SLC24A2: variants seen among roughly 807,000 people sequenced by gnomAD.
SLC24A2 encodes the protein solute carrier family 24 member 2.
In SLC24A2, 36 loss-of-function variants were observed where a neutral mutation model predicts 62.0. The observed-to-expected ratio is 0.58, with a 90% CI of 0.44 to 0.77. The LOEUF (loss-of-function observed/expected upper bound fraction) is 0.77, where lower values mean the gene tolerates loss of function less well. Ranked by LOEUF, SLC24A2 falls within the 30% of genes least tolerant of loss-of-function variation. The pLI is 0.00. For missense variants in SLC24A2, 846 were observed against 817.9 expected (o/e 1.03, Z -0.42); for synonymous variants, 358 against 294.0 (o/e 1.22, Z -2.23).
At chr9:19,960,076 G>A in the SLC24A2 span, among the ~76,000 whole-genome samples, 2 of 152,178 alleles carry the variant, frequency 1.3e-5, no homozygotes, top group Admixed American at 6.5e-5. Flanking sequence ...TTGAGGATAA[G>A]CTATTGGCAG....
the SLC24A2 span, among the ~76,000 whole-genome samples, chr9:20,254,610 T>C: frequency 2.6e-5 from 4 of 152,230 alleles, no homozygotes; most frequent in East Asian, 7.7e-4. Flanking sequence ...ACTGCATTCA[T>C]CTTTGACCAG....
the SLC24A2 span, among the ~76,000 whole-genome samples, chr9:19,915,502 C>T: frequency 6.6e-6 from 1 of 151,994 alleles, no homozygotes; most frequent in Admixed American, 6.6e-5. Context: ...GAGGGATTGC[C>T]AAACTTTTTC....
At chr9:19,998,852 T>C in the SLC24A2 span, among the ~76,000 whole-genome samples, 1 of 152,176 alleles carries the variant, frequency 6.6e-6, no homozygotes, top group South Asian at 2.1e-4. Context: ...ATAGCAGCTT[T>C]CCTCCTTCAT....
chr9:19,996,824 A>G, the SLC24A2 span, among the ~76,000 whole-genome samples: 4 of 151,834 alleles, frequency 2.6e-5, no homozygotes, highest in South Asian at 8.3e-4. Flanking sequence ...GTAACACCTT[A>G]CCCCAAGTGG....
In SLC24A2 at chr9:19,573,411, A is replaced by C. The variant is rs1371264689; in HGVS notation, c.1287T>G (p.Asp429Glu). 6.2e-7 allele frequency: 1 copy of C among 1,613,756 alleles called. No homozygotes were observed. The highest frequency in any genetic ancestry group is 2.2e-5 in the East Asian group (1 of 44,828). Residue 429 changes from aspartate to glutamate, a missense_variant, in exon 7 of 11, where the codon GAT (aspartate) becomes GAG (glutamate). Asp to Glu is a conservative substitution (Grantham distance 45, BLOSUM62 2). Transcript: ENST00000341998. ...TTCCATTTTGTACAGGTTCTGAAGC[A>C]TCACTGGATGGTGTCATTTCAACAT... ...STDVEMTPSS[D>E]ASEPVQNGNL...
At chr9:20,231,720 C>T in the SLC24A2 span, among the ~76,000 whole-genome samples, 2 of 152,070 alleles carry the variant, frequency 1.3e-5, no homozygotes, top group Admixed American at 1.3e-4. Context: ...ATTGAATACC[C>T]TTTATTTCTT....
chr9:19,917,112 C>T, the SLC24A2 span, among the ~76,000 whole-genome samples: 8 of 144,456 alleles, frequency 5.5e-5, no homozygotes, highest in Non-Finnish European at 1.1e-4. Flanking sequence ...TTTGTATTTT[C>T]TTTAACTGCT....
the SLC24A2 span, among the ~76,000 whole-genome samples, chr9:19,821,328 C>A: frequency 3.6e-4 from 55 of 152,084 alleles, no homozygotes; most frequent in African/African-American, 1.2e-3. Context: ...ACAGTGTCTT[C>A]ATTTTGTTTA....
the SLC24A2 span, among the ~76,000 whole-genome samples, chr9:20,090,563 C>T: frequency 9.2e-4 from 140 of 152,190 alleles, no homozygotes; most frequent in African/African-American, 2.8e-3. Context: ...TGGATCACAC[C>T]GTCAAACCAA....
At chr9:19,964,112 C>T in the SLC24A2 span, among the ~76,000 whole-genome samples, 27 of 151,220 alleles carry the variant, frequency 1.8e-4, no homozygotes, top group South Asian at 1.1e-3. Context: ...AGTAAACTAT[C>T]GCAAGGACAA....
the SLC24A2 span, among the ~76,000 whole-genome samples, chr9:19,914,286 A>G: frequency 2.0e-5 from 3 of 151,958 alleles, no homozygotes; most frequent in African/African-American, 7.3e-5. Flanking sequence ...ATGTCATCAG[A>G]CCTCTTCCTA....
At chr9:20,230,829 A>G in the SLC24A2 span, among the ~76,000 whole-genome samples, 1 of 152,168 alleles carries the variant, frequency 6.6e-6, no homozygotes, top group Non-Finnish European at 1.5e-5. Context: ...CCTGAATGGT[A>G]ATGCCTAGGT....
At chr9:19,907,255 G>C in the SLC24A2 span, among the ~76,000 whole-genome samples, 5 of 152,144 alleles carry the variant, frequency 3.3e-5, no homozygotes, top group Non-Finnish European at 7.4e-5. Flanking sequence ...ATGTAGAAAA[G>C]GCCTTTGACA....
At chr9:19,890,733 A>T in the SLC24A2 span, among the ~76,000 whole-genome samples, 1 of 151,992 alleles carries the variant, frequency 6.6e-6, no homozygotes, top group Non-Finnish European at 1.5e-5. Context: ...TTGGTCTTGA[A>T]TTCCTGGACT....
chr9:20,202,336 C>T, the SLC24A2 span, among the ~76,000 whole-genome samples: 3 of 152,080 alleles, frequency 2.0e-5, no homozygotes, highest in Non-Finnish European at 2.9e-5. Flanking sequence ...TGTTGTTAAC[C>T]GAAGTTGTGT....
chr9:20,058,522 A>AG, the SLC24A2 span, among the ~76,000 whole-genome samples: 6 of 115,532 alleles, frequency 5.2e-5, no homozygotes, highest in Admixed American at 5.0e-4. Flanking sequence ...CACACACACA[A>AG]ATATTTGGGA....
intron 3 of SLC24A2, 95 bp from the exon 4 acceptor site, chr9:19,619,787 C>G: frequency 1.1e-6 from 1 of 912,826 alleles, no homozygotes; most frequent in Non-Finnish European, 1.8e-6. Context: ...CCACTCATTT[C>G]TGTCGCATGA....
the SLC24A2 span, among the ~76,000 whole-genome samples, chr9:19,844,542 T>G: frequency 6.6e-6 from 1 of 152,098 alleles, no homozygotes; most frequent in East Asian, 1.9e-4. Context: ...GTCAATTTTT[T>G]TTGTTGTTTT....
chr9:20,085,802 G>C, the SLC24A2 span, among the ~76,000 whole-genome samples: 6 of 152,272 alleles, frequency 3.9e-5, no homozygotes, highest in East Asian at 1.2e-3. Flanking sequence ...CAGACATACA[G>C]ACATCAAACA....
Sources: gnomAD v4.1 joint callset for allele counts (sites outside exome capture counted in the v4.1 genomes callset) on GRCh38, gnomAD v4.1.1 for gene constraint, MANE v1.5 for transcripts, NCBI Gene and HGNC (gene_info 2026-07-23, HGNC 2026-07-21) for gene names.